Variants in LRP1B observed in about 807,000 individuals in gnomAD.
LRP1B encodes the protein low-density lipoprotein receptor-related protein 1B.
Under a neutral mutation model 556.6 loss-of-function variants are expected in LRP1B, and 217 were observed. The observed-to-expected ratio is 0.39, with a 90% CI of 0.35 to 0.44. The LOEUF (loss-of-function observed/expected upper bound fraction) is 0.44. Among genes scored for constraint, LRP1B ranks in the 20% least tolerant of loss-of-function variants. The probability of loss-of-function intolerance (pLI) is 1.00; values close to 1 mark genes in which losing one functional copy is unlikely to be tolerated. For missense variants in LRP1B, 5,053 were observed against 5,620.8 expected (o/e 0.90, Z 3.23); for synonymous variants, 2,047 against 1,865.8 (o/e 1.10, Z -2.50).
At chr2:140,239,918 C>A (rs973578304) in intron 87 of LRP1B, among the ~76,000 whole-genome samples, 3 of 150,884 alleles carry the variant, frequency 2.0e-5, no homozygotes, top group African/African-American at 7.3e-5. Context: ...TGACCACATT[C>A]CCACCCTTAG....
At chr2:140,898,512 C>T (rs1052336833) in intron 23 of LRP1B, 2 of 248,784 alleles carry the variant, frequency 8.0e-6, no homozygotes, top group Non-Finnish European at 1.6e-5. Context: ...CCAAGTTCTC[C>T]TTAGAATTGT....
intron 2 of LRP1B, among the ~76,000 whole-genome samples, chr2:141,660,478 C>G (rs1044122914): frequency 6.6e-6 from 1 of 151,864 alleles, no homozygotes; most frequent in Non-Finnish European, 1.5e-5. Flanking sequence ...TCTGGCAGTT[C>G]CCCCCCGCTG....
rs190784204 is a variant in LRP1B at position 140,845,842 on chromosome 2, G to C, written c.4939+4260C>G. ...GAAAGAAGTTAACAGAGTTAGCACA[G>C]AGAAACAAAGAAATTAAGCGAGTTG... On this transcript the variant is annotated intron_variant, in intron 29 of 90. Transcript: ENST00000389484. 4.0e-3 allele frequency among the ~76,000 whole-genome samples: 616 copies of C among 152,262 alleles called. 6 individuals are homozygous for C. Among genetic ancestry groups the C allele is most frequent in the African/African-American group, 0.014 (590 of 41,562 alleles).
chr2:140,329,313 A>G (rs596258), intron 79 of LRP1B, among the ~76,000 whole-genome samples: 82,431 of 151,834 alleles, frequency 0.54, 22,708 homozygotes, highest in African/African-American at 0.58. Context: ...AATGCTGGAA[A>G]CATTTCCCTT....
intron 44 of LRP1B, 83 bp downstream of exon 44, chr2:140,541,696 C>G: frequency 9.4e-7 from 1 of 1,068,036 alleles, no homozygotes; most frequent in African/African-American, 1.6e-5. Flanking sequence ...GCAAATCCAA[C>G]TATTACTAGA....
intron 7 of LRP1B, among the ~76,000 whole-genome samples, chr2:141,129,463 C>A (rs1276913563): frequency 6.6e-6 from 1 of 151,514 alleles, no homozygotes; most frequent in Non-Finnish European, 1.5e-5. Flanking sequence ...ACTATGAAGA[C>A]TATACACAAA....
chr2:140,484,111 C>T (rs11897579), intron 59 of LRP1B, among the ~76,000 whole-genome samples: 40,732 of 151,880 alleles, frequency 0.27, 5,826 homozygotes, highest in African/African-American at 0.31. Flanking sequence ...AAAATTGATA[C>T]TCTTTGAACC....
chr2:141,369,826 A>G (rs1254138972), intron 3 of LRP1B, among the ~76,000 whole-genome samples: 1 of 152,142 alleles, frequency 6.6e-6, no homozygotes, highest in Non-Finnish European at 1.5e-5. Flanking sequence ...ACCATTGTCC[A>G]TCATTCCATA....
intron 2 of LRP1B, among the ~76,000 whole-genome samples, chr2:141,592,957 C>G (rs1303356289): frequency 6.6e-6 from 1 of 152,108 alleles, no homozygotes. Flanking sequence ...TAGAGTCTCC[C>G]TTATTTCTAC....
At chr2:141,129,948 AT>A (rs1701308147) in intron 7 of LRP1B, among the ~76,000 whole-genome samples, 1 of 152,104 alleles carries the variant, frequency 6.6e-6, no homozygotes, top group Non-Finnish European at 1.5e-5. Flanking sequence ...AGACAAAGTT[AT>A]CATGGACTAG....
chr2:141,983,996 G>A (rs1479699375), intron 1 of LRP1B, among the ~76,000 whole-genome samples: 1 of 152,152 alleles, frequency 6.6e-6, no homozygotes, highest in Non-Finnish European at 1.5e-5. Flanking sequence ...TGGAGGTGGA[G>A]GTTGCAGTGA....
At chr2:141,653,805 G>A (rs1195911766) in intron 2 of LRP1B, among the ~76,000 whole-genome samples, 2 of 152,196 alleles carry the variant, frequency 1.3e-5, no homozygotes, top group Non-Finnish European at 2.9e-5. Context: ...CAAATGTGAA[G>A]CATAGAGAAG....
At chr2:140,290,667 C>G (rs1423015229) in intron 84 of LRP1B, among the ~76,000 whole-genome samples, 1 of 152,014 alleles carries the variant, frequency 6.6e-6, no homozygotes. Context: ...TTTAAAAGTA[C>G]TTTGGTCGCT....
At chr2:140,756,162 CA>C (rs200171223) in intron 35 of LRP1B, among the ~76,000 whole-genome samples, 1,920 of 151,954 alleles carry the variant, frequency 0.013, 69 homozygotes, top group Admixed American at 0.071. Flanking sequence ...AACTGAAAAT[CA>C]TTTTTAAGAG....
chr2:140,411,511 A>C (rs2105247835), intron 66 of LRP1B, among the ~76,000 whole-genome samples: 1 of 152,246 alleles, frequency 6.6e-6, no homozygotes, highest in South Asian at 2.1e-4. Context: ...AAAATCTCAC[A>C]AATAATCTAA....
At chr2:140,921,932 T>G (rs1333452069) in intron 21 of LRP1B, among the ~76,000 whole-genome samples, 1 of 152,034 alleles carries the variant, frequency 6.6e-6, no homozygotes, top group Non-Finnish European at 1.5e-5. Flanking sequence ...TTATTTGTAC[T>G]TTTTGTTAGA....
chr2:141,581,709 C>G lies in LRP1B; in HGVS notation c.206-101176G>C, dbSNP rs547065285. ...CTCAAGCCTTTAATTCATATGCTTGCCATATCATGTCTTTATAATGACATT... is the reference window on the plus strand; with the variant it reads ...CTCAAGCCTTTAATTCATATGCTTGGCATATCATGTCTTTATAATGACATT... On this transcript the variant is annotated intron_variant, in intron 2 of 90. Transcript: ENST00000389484. Among the ~76,000 whole-genome samples, 8 of 152,234 alleles carry G rather than the reference C, an allele frequency of 5.3e-5. 1 individual carries two copies. The South Asian group carries it at 1.7e-3, about 32-fold the overall frequency.
chr2:140,866,309 C>G (rs1229777562), intron 27 of LRP1B, among the ~76,000 whole-genome samples: 1 of 152,030 alleles, frequency 6.6e-6, no homozygotes, highest in Non-Finnish European at 1.5e-5. Context: ...TTTCATTATA[C>G]TAGTGGCACA....
intron 7 of LRP1B, among the ~76,000 whole-genome samples, chr2:141,155,235 A>G (rs936448197): frequency 1.3e-4 from 19 of 151,944 alleles, no homozygotes; most frequent in African/African-American, 3.9e-4. Flanking sequence ...TGGAAAATAT[A>G]TACATTAGTA....
Sources: gnomAD v4.1 joint callset for allele counts (sites outside exome capture counted in the v4.1 genomes callset) on GRCh38, gnomAD v4.1.1 for gene constraint, MANE v1.5 for transcripts, NCBI Gene and HGNC (gene_info 2026-07-23, HGNC 2026-07-21) for gene names.